Variants in LRP1B observed in about 807,000 individuals in gnomAD.
LRP1B encodes the protein low-density lipoprotein receptor-related protein 1B.
A neutral mutation model predicts 556.6 loss-of-function variants in LRP1B; 217 were observed. The observed-to-expected ratio is 0.39, with a 90% CI of 0.35 to 0.44. The LOEUF is 0.44. Among genes scored for constraint, LRP1B ranks in the 20% least tolerant of loss-of-function variants. LRP1B has a pLI of 1.00. For synonymous variants in LRP1B, 2,047 were observed against 1,865.8 expected (o/e 1.10, Z -2.50); for missense variants, 5,053 against 5,620.8 (o/e 0.90, Z 3.23).
intron 86 of LRP1B, among the ~76,000 whole-genome samples, chr2:140,258,578 T>C (rs1573696374): frequency 6.6e-6 from 1 of 152,186 alleles, no homozygotes; most frequent in South Asian, 2.1e-4. Flanking sequence ...AAGTTCTGAT[T>C]ATTGTGTTTC....
chr2:141,571,490 T>C (rs930169606), intron 2 of LRP1B, among the ~76,000 whole-genome samples: 1 of 148,034 alleles, frequency 6.8e-6, no homozygotes, highest in African/African-American at 2.6e-5. Context: ...AAAGAAAAAA[T>C]GCTGAAAACT....
chr2:141,247,061 A>C (rs1684093784), intron 5 of LRP1B, among the ~76,000 whole-genome samples, 165 bp downstream of exon 5: 1 of 152,232 alleles, frequency 6.6e-6, no homozygotes, highest in Non-Finnish European at 1.5e-5. Context: ...GTGACAACTG[A>C]AAGAATTGCT....
intron 2 of LRP1B, among the ~76,000 whole-genome samples, chr2:141,574,380 G>A (rs1399818253): frequency 6.6e-6 from 1 of 152,084 alleles, no homozygotes; most frequent in Non-Finnish European, 1.5e-5. Flanking sequence ...AAAGGCCTTT[G>A]ATAAAATCCA....
At chr2:142,034,814 G>T (rs1422383681) in intron 1 of LRP1B, among the ~76,000 whole-genome samples, 1 of 151,686 alleles carries the variant, frequency 6.6e-6, no homozygotes, top group Non-Finnish European at 1.5e-5. Flanking sequence ...TGATCTCATA[G>T]TAACCATAAA....
intron 1 of LRP1B, among the ~76,000 whole-genome samples, chr2:142,062,387 G>A (rs1704952355): frequency 6.6e-6 from 1 of 151,672 alleles, no homozygotes; most frequent in African/African-American, 2.4e-5. Flanking sequence ...GCTGACCACT[G>A]CCTATTCACA....
At chr2:141,122,088 A>G (rs1460021460) in intron 7 of LRP1B, among the ~76,000 whole-genome samples, 5 of 152,176 alleles carry the variant, frequency 3.3e-5, no homozygotes, top group African/African-American at 7.2e-5. Flanking sequence ...TACACCTTAT[A>G]CAAAAATTAA....
intron 1 of LRP1B, among the ~76,000 whole-genome samples, chr2:141,983,497 C>A (rs182099298): frequency 3.3e-5 from 5 of 152,048 alleles, no homozygotes; most frequent in African/African-American, 1.2e-4. Context: ...AAGGATGAAC[C>A]TATCATAACA....
At chr2:141,373,172 A>G (rs766056164) in intron 3 of LRP1B, among the ~76,000 whole-genome samples, 13 of 152,108 alleles carry the variant, frequency 8.5e-5, no homozygotes, top group Non-Finnish European at 1.3e-4. Context: ...CTTAGAACTG[A>G]CATCTAGTTT....
intron 11 of LRP1B, among the ~76,000 whole-genome samples, chr2:141,022,006 A>T (rs1185902180): frequency 6.6e-6 from 1 of 151,760 alleles, no homozygotes. Context: ...ACTTGATAGG[A>T]TTGTATCTTT....
chr2:141,800,141 T>C (rs1472889048), intron 2 of LRP1B, among the ~76,000 whole-genome samples: 1 of 152,130 alleles, frequency 6.6e-6, no homozygotes, highest in Non-Finnish European at 1.5e-5. Flanking sequence ...GTGTCTAAAA[T>C]GAATGGCTGA....
chr2:140,282,903 A>G (rs1682974549), intron 84 of LRP1B, among the ~76,000 whole-genome samples: 1 of 151,838 alleles, frequency 6.6e-6, no homozygotes, highest in South Asian at 2.1e-4. Context: ...ACTCTGGGTC[A>G]CTCTAAGCAA....
chr2:142,022,275 T>C (rs1322496741), intron 1 of LRP1B, among the ~76,000 whole-genome samples: 1 of 150,048 alleles, frequency 6.7e-6, no homozygotes, highest in Non-Finnish European at 1.5e-5. Context: ...TAAAACATAA[T>C]GTTGTAAAAA....
At chr2:140,747,177 G>A (rs575846800) in intron 35 of LRP1B, among the ~76,000 whole-genome samples, 2 of 152,186 alleles carry the variant, frequency 1.3e-5, no homozygotes, top group Admixed American at 1.3e-4. Context: ...GCAATGCTAG[G>A]CAGGAGCAGC....
intron 2 of LRP1B, among the ~76,000 whole-genome samples, chr2:141,514,857 G>C (rs1383619409): frequency 6.6e-6 from 1 of 152,072 alleles, no homozygotes; most frequent in Non-Finnish European, 1.5e-5. Flanking sequence ...AACACAGAAT[G>C]ATTGTTTGGT....
intron 7 of LRP1B, among the ~76,000 whole-genome samples, chr2:141,180,801 A>G (rs759332093): frequency 3.9e-5 from 6 of 151,996 alleles, no homozygotes; most frequent in Non-Finnish European, 7.4e-5. Context: ...GCTAAAAGGA[A>G]ATGGAGGAGA....
chr2:140,733,883 ATTT>A (rs1687860325), intron 35 of LRP1B, among the ~76,000 whole-genome samples: 1 of 152,238 alleles, frequency 6.6e-6, no homozygotes, highest in African/African-American at 2.4e-5. Context: ...TGTAAGCAAA[ATTT>A]AATTATCATT....
intron 3 of LRP1B, among the ~76,000 whole-genome samples, chr2:141,354,629 GA>G (rs1041260709): frequency 2.6e-5 from 4 of 151,926 alleles, no homozygotes; most frequent in Non-Finnish European, 5.9e-5. Context: ...GACCGAGGAG[GA>G]AAAAAGTCTG....
chr2:140,590,305 AT>A (rs1166539719), intron 43 of LRP1B, among the ~76,000 whole-genome samples: 4 of 145,668 alleles, frequency 2.7e-5, no homozygotes, highest in Non-Finnish European at 6.1e-5. Context: ...TATAATATAT[AT>A]TTATATGTAA....
In LRP1B at chr2:140,691,685, C is replaced by T. The variant is rs114338606; in HGVS notation, c.6799+8565G>A. Among the ~76,000 whole-genome samples, 434 of 152,118 alleles carry T rather than the reference C, an allele frequency of 2.9e-3. 1 individual carries two copies. The highest frequency in any genetic ancestry group is 1.0e-2 in the African/African-American group (414 of 41,540). On this transcript the variant is annotated intron_variant, in intron 41 of 90. Coordinates refer to ENST00000389484, the MANE Select transcript of LRP1B (RefSeq NM_018557.3). ...TATAAATATAAAGAGAAAAGAAGGG[C>T]AGATAGCAGGCACCTATCATGTCAT...
Sources: allele counts gnomAD v4.1 joint callset (sites outside exome capture counted in the v4.1 genomes callset), GRCh38; gene constraint gnomAD v4.1.1; transcripts MANE v1.5; gene names NCBI Gene and HGNC (gene_info 2026-07-23, HGNC 2026-07-21).